TMEM117: variants seen among roughly 807,000 people sequenced by gnomAD.
The protein encoded by TMEM117 is transmembrane protein 117.
Under a neutral mutation model 52.4 loss-of-function variants are expected in TMEM117, and 27 were observed. The ratio of observed to expected loss-of-function variants is 0.51; its 90% CI spans 0.38 to 0.71. The LOEUF is 0.71. Ranked by LOEUF, TMEM117 falls within the 30% of genes least tolerant of loss-of-function variation. The pLI is 0.00. For synonymous variants in TMEM117, 215 were observed against 206.3 expected (o/e 1.04, Z -0.36); for missense variants, 556 against 630.5 (o/e 0.88, Z 1.26).
intron 6 of TMEM117, among the ~76,000 whole-genome samples, chr12:44,330,746 T>C (rs1173621096): frequency 1.3e-5 from 2 of 152,008 alleles, no homozygotes; most frequent in Non-Finnish European, 2.9e-5. Context: ...TCATATGTGA[T>C]TTGCAGAAAT....
At chr12:44,082,808 A>T (rs1464211548) in intron 3 of TMEM117, among the ~76,000 whole-genome samples, 1 of 152,092 alleles carries the variant, frequency 6.6e-6, no homozygotes, top group Non-Finnish European at 1.5e-5. Context: ...CCCTTCACAA[A>T]TAGTGATTAT....
chr12:44,257,284 C>T (rs1457308449), intron 5 of TMEM117, among the ~76,000 whole-genome samples: 1 of 151,820 alleles, frequency 6.6e-6, no homozygotes, highest in African/African-American at 2.4e-5. Context: ...ATCTGCACTC[C>T]TATCCATTTG....
chr12:44,156,391 T>C (rs1948826245), intron 4 of TMEM117, among the ~76,000 whole-genome samples: 1 of 152,106 alleles, frequency 6.6e-6, no homozygotes, highest in South Asian at 2.1e-4. Context: ...TATTGTTTAG[T>C]TGGGTGCTCT....
chr12:43,820,804 A>C, the TMEM117 span, among the ~76,000 whole-genome samples: 1 of 152,080 alleles, frequency 6.6e-6, no homozygotes, highest in Non-Finnish European at 1.5e-5. Flanking sequence ...CTGTCTTTCT[A>C]TAAGAAGCAT....
At chr12:43,798,683 T>G in the TMEM117 span, 19 of 1,263,978 alleles carry the variant, frequency 1.5e-5, no homozygotes, top group Non-Finnish European at 2.0e-5. Context: ...AATAATATGA[T>G]AGATCCTTGC....
At chr12:44,375,118 G>T (rs1951923396) in intron 6 of TMEM117, among the ~76,000 whole-genome samples, 1 of 152,094 alleles carries the variant, frequency 6.6e-6, no homozygotes, top group Admixed American at 6.6e-5. Flanking sequence ...GTTAACCTCA[G>T]CAATAGTTCA....
chr12:43,833,371 G>T (rs1291349511), upstream of TMEM117, among the ~76,000 whole-genome samples: 1 of 152,166 alleles, frequency 6.6e-6, no homozygotes, highest in Non-Finnish European at 1.5e-5. Context: ...GCTGCTGAAT[G>T]ATTTTTATCC....
intron 4 of TMEM117, among the ~76,000 whole-genome samples, chr12:44,186,176 A>G (rs1949275779): frequency 6.6e-6 from 1 of 152,202 alleles, no homozygotes; most frequent in Non-Finnish European, 1.5e-5. Context: ...AGTCCTGATA[A>G]TGAGATGTGG....
intron 7 of TMEM117, among the ~76,000 whole-genome samples, chr12:44,380,936 ATG>A (rs1860414671): frequency 6.6e-6 from 1 of 152,172 alleles, no homozygotes; most frequent in Admixed American, 6.5e-5. Context: ...AATATTCTGT[ATG>A]TAGAGGGTTA....
chr12:44,219,958 T>C (rs1949766715), intron 5 of TMEM117, among the ~76,000 whole-genome samples: 1 of 151,608 alleles, frequency 6.6e-6, no homozygotes, highest in South Asian at 2.2e-4. Flanking sequence ...TTCAGTATAA[T>C]GATTAAAACA....
At chr12:43,974,849 ATAATT>A (rs956622221) in intron 3 of TMEM117, among the ~76,000 whole-genome samples, 1 of 152,170 alleles carries the variant, frequency 6.6e-6, no homozygotes, top group African/African-American at 2.4e-5. Flanking sequence ...ATGCTAATGA[ATAATT>A]TAGTTTCCTT....
At chr12:43,971,553 T>G (rs1345952069) in intron 3 of TMEM117, among the ~76,000 whole-genome samples, 1 of 152,212 alleles carries the variant, frequency 6.6e-6, no homozygotes, top group Non-Finnish European at 1.5e-5. Context: ...TCACTGCCTA[T>G]ACCCTGGCAA....
At chr12:43,814,962 C>T in the TMEM117 span, among the ~76,000 whole-genome samples, 1 of 152,072 alleles carries the variant, frequency 6.6e-6, no homozygotes, top group Non-Finnish European at 1.5e-5. Flanking sequence ...TCAGGCTGGT[C>T]TCGAGCTCCT....
intron 6 of TMEM117, among the ~76,000 whole-genome samples, chr12:44,372,686 A>G (rs1326809058): frequency 6.6e-6 from 1 of 152,208 alleles, no homozygotes; most frequent in Non-Finnish European, 1.5e-5. Context: ...GTGATTCTCA[A>G]TTAGAAAACA....
chr12:43,848,975 G>A (rs527982450), intron 2 of TMEM117, among the ~76,000 whole-genome samples: 1 of 152,276 alleles, frequency 6.6e-6, no homozygotes, highest in Non-Finnish European at 1.5e-5. Context: ...TGTGGGTGTG[G>A]TCACATGACA....
At chr12:43,803,615 T>G in the TMEM117 span, among the ~76,000 whole-genome samples, 1 of 152,118 alleles carries the variant, frequency 6.6e-6, no homozygotes, top group Non-Finnish European at 1.5e-5. Flanking sequence ...TCCATTTTAG[T>G]TCCTTAACTA....
chr12:43,915,769 G>GA (rs762847958), intron 2 of TMEM117, among the ~76,000 whole-genome samples: 15 of 150,690 alleles, frequency 1.0e-4, no homozygotes, highest in African/African-American at 1.9e-4. Flanking sequence ...AAAGAAAGAG[G>GA]AAAAAAAAAT....
chr12:44,209,132 G>T (rs1313804686), intron 4 of TMEM117, among the ~76,000 whole-genome samples: 1 of 152,040 alleles, frequency 6.6e-6, no homozygotes, highest in Non-Finnish European at 1.5e-5. Context: ...AGGAACAGTG[G>T]CTGAAATTGT....
downstream of TMEM117, among the ~76,000 whole-genome samples, chr12:44,394,142 A>C (rs977816532): frequency 6.6e-6 from 1 of 152,176 alleles, no homozygotes; most frequent in Admixed American, 6.5e-5. Context: ...GATGACTCCA[A>C]ATTTATTATT....
Sources: allele counts gnomAD v4.1 joint callset (sites outside exome capture counted in the v4.1 genomes callset), GRCh38; gene constraint gnomAD v4.1.1; transcripts MANE v1.5; gene names NCBI Gene and HGNC (gene_info 2026-07-23, HGNC 2026-07-21).